KAZN: variants seen among roughly 807,000 people sequenced by gnomAD.
The protein encoded by KAZN is kazrin, periplakin interacting protein, also known as kazrin.
KAZN carries 40 observed loss-of-function variants against 87.4 expected under a neutral mutation model. The ratio of observed to expected loss-of-function variants is 0.46; its 90% CI spans 0.36 to 0.60. The LOEUF is 0.60. Ranked by LOEUF, KAZN falls within the 20% of genes least tolerant of loss-of-function variation. KAZN has a pLI of 0.00. For synonymous variants in KAZN, 466 were observed against 458.3 expected (o/e 1.02, Z -0.22); for missense variants, 898 against 1,073.9 (o/e 0.84, Z 2.29).
At chr1:14,436,907 C>T (rs1666431260) in intron 2 of KAZN, among the ~76,000 whole-genome samples, 1 of 152,124 alleles carries the variant, frequency 6.6e-6, no homozygotes, top group Non-Finnish European at 1.5e-5. Context: ...TCTCAAGATA[C>T]TTTGCATGCA....
intron 2 of KAZN, among the ~76,000 whole-genome samples, chr1:14,495,247 GACAATTTT>G (rs1571791343): frequency 6.6e-6 from 1 of 152,156 alleles, no homozygotes; most frequent in East Asian, 1.9e-4. Context: ...TCAATCAATA[GACAATTTT>G]ACCCAGGCCT....
intron 2 of KAZN, among the ~76,000 whole-genome samples, chr1:14,411,160 C>A (rs1305065647): frequency 6.6e-6 from 1 of 152,178 alleles, no homozygotes; most frequent in Non-Finnish European, 1.5e-5. Context: ...GTACAGAGGG[C>A]AATGACCAGA....
chr1:14,555,130 C>G (rs1673783102), intron 2 of KAZN, among the ~76,000 whole-genome samples: 1 of 152,184 alleles, frequency 6.6e-6, no homozygotes, highest in African/African-American at 2.4e-5. Flanking sequence ...TGTCTTTACC[C>G]CAAGGATGGA....
Position 15,112,587 on chromosome 1 carries a change from A to AAGGTCTTTTTTTTTCTTCTCCCAGCGGC in KAZN, c.2163+58_2163+59insTTCTTCTCCCAGCGGCAGGTCTTTTTTT. On this transcript the variant is annotated intron_variant, in intron 14 of 14. Transcript: ENST00000376030. ...ACCTGTGAGTCCTGCAGACCCGGGA[A>AAGGTCTTTTTTTTTCTTCTCCCAGCGGC]AGGTCTTTTTTTCTCCTCCCGGGAG... is the stretch of plus-strand genomic sequence containing the variant. The AAGGTCTTTTTTTTTCTTCTCCCAGCGGC allele has an allele frequency of 1.5e-5, 19 of 1,293,542 alleles. No individual in the cohort carries two copies. The Middle Eastern group carries it at 7.5e-4, about 51-fold the overall frequency. The allele number at this position is 1,293,542 out of a possible 1,614,324, so 80.1% of individuals were successfully genotyped here. A position where few individuals can be genotyped will look rare whatever the true frequency, so the allele number is the denominator to read the frequency against.
chr1:14,043,307 A>G (rs1336650308), intron 1 of KAZN, among the ~76,000 whole-genome samples: 1 of 152,198 alleles, frequency 6.6e-6, no homozygotes, highest in Non-Finnish European at 1.5e-5. Flanking sequence ...ATGCTTGTAT[A>G]TATAGACCAA....
intron 1 of KAZN, among the ~76,000 whole-genome samples, chr1:14,811,053 C>A (rs1310303764): frequency 6.6e-6 from 1 of 152,170 alleles, no homozygotes; most frequent in Admixed American, 6.6e-5. Flanking sequence ...AAAGGGAAAC[C>A]ACAATCCAAA....
intron 1 of KAZN, among the ~76,000 whole-genome samples, chr1:13,922,271 A>G (rs1640098192): frequency 6.6e-6 from 1 of 152,122 alleles, no homozygotes; most frequent in South Asian, 2.1e-4. Context: ...AAAGTTCTGT[A>G]TCCTGTGAAG....
intron 1 of KAZN, among the ~76,000 whole-genome samples, chr1:13,969,367 T>C (rs1642057721): frequency 6.6e-6 from 1 of 152,060 alleles, no homozygotes; most frequent in African/African-American, 2.4e-5. Context: ...TGGGGGAGAT[T>C]TGGACACAGA....
At chr1:14,007,335 T>A (rs1045414665) in intron 1 of KAZN, among the ~76,000 whole-genome samples, 2 of 152,316 alleles carry the variant, frequency 1.3e-5, no homozygotes, top group East Asian at 1.9e-4. Context: ...TTATTTCTTT[T>A]TCTTGTCTGA....
intron 1 of KAZN, among the ~76,000 whole-genome samples, chr1:14,787,852 G>A (rs1374248049): frequency 6.6e-6 from 1 of 152,150 alleles, no homozygotes; most frequent in Non-Finnish European, 1.5e-5. Flanking sequence ...GGGGGTGGAG[G>A]CCGTGGGGAG....
At chr1:15,036,425 C>G (rs1672343783) in intron 3 of KAZN, among the ~76,000 whole-genome samples, 1 of 150,076 alleles carries the variant, frequency 6.7e-6, no homozygotes, top group Non-Finnish European at 1.5e-5. Context: ...CTTCCCCTGC[C>G]TGTTTGGCCT....
rs1306129013 is a variant in KAZN, at chr1:13,981,087, CTTTA to C, written c.91+87333_91+87336del. On this transcript the variant is annotated intron_variant, in intron 1 of 16. Transcript: ENST00000636203. ...TCTTGGAGAGGTATAAAAAATTACT[CTTTA>C]TATATATATATATATATATGTATAT... 3.6e-4 allele frequency among the ~76,000 whole-genome samples: 3 copies of C among 8,304 alleles called. 1 individual carries two copies. The highest frequency in any genetic ancestry group is 9.8e-4 in the African/African-American group (2 of 2,048). 5.4% of individuals were successfully genotyped at this position (8,304 alleles called of 152,430 possible).
intron 2 of KAZN, among the ~76,000 whole-genome samples, chr1:14,249,747 A>G (rs937953189): frequency 2.0e-5 from 3 of 152,174 alleles, no homozygotes; most frequent in Admixed American, 1.3e-4. Flanking sequence ...GAGGTCCCTG[A>G]TTGGCCAGGT....
At chr1:14,916,941 C>G (rs1018900343) in intron 1 of KAZN, among the ~76,000 whole-genome samples, 2 of 151,822 alleles carry the variant, frequency 1.3e-5, no homozygotes, top group East Asian at 1.9e-4. Flanking sequence ...ACTTGGGGCT[C>G]GTGACAGTCC....
intron 2 of KAZN, among the ~76,000 whole-genome samples, chr1:14,353,219 A>G (rs1658697133): frequency 6.8e-6 from 1 of 147,316 alleles, no homozygotes; most frequent in African/African-American, 2.5e-5. Flanking sequence ...ACTACAGATG[A>G]CATCACTTTT....
At chr1:14,739,661 T>TC (rs949240994) in intron 1 of KAZN, among the ~76,000 whole-genome samples, 5 of 150,808 alleles carry the variant, frequency 3.3e-5, no homozygotes, top group African/African-American at 1.2e-4. Context: ...ACCACCAACT[T>TC]CCCCTTTTTT....
At chr1:14,360,377 G>A (rs1329073388) in intron 2 of KAZN, among the ~76,000 whole-genome samples, 1 of 151,980 alleles carries the variant, frequency 6.6e-6, no homozygotes, top group Admixed American at 6.6e-5. Flanking sequence ...CCTTGCATTG[G>A]GTTAGAACAT....
intron 2 of KAZN, among the ~76,000 whole-genome samples, chr1:14,463,765 A>G (rs1667972086): frequency 6.6e-6 from 1 of 152,280 alleles, no homozygotes; most frequent in Non-Finnish European, 1.5e-5. Flanking sequence ...TTCCCTTACC[A>G]TAAAAAATGT....
rs1454594947 is a variant in KAZN, at chr1:14,923,629, C to T, written c.227-37055C>T. ...ACAGGGCCTCCCACCAGATCTCAGC[C>T]CCCTCGCGATCTCCCCCACCAGACG... On this transcript the variant is annotated intron_variant, in intron 1 of 14. Transcript: ENST00000376030. This position sits in a 1 kb window ranked among gnomAD's most constrained non-coding sequence, Gnocchi z 4.2. 2.0e-5 allele frequency among the ~76,000 whole-genome samples: 3 copies of T among 152,212 alleles called. No homozygotes were observed. Among genetic ancestry groups the T allele is most frequent in the Non-Finnish European group, 4.4e-5 (3 of 68,040 alleles).
Sources: allele counts gnomAD v4.1 joint callset (sites outside exome capture counted in the v4.1 genomes callset), GRCh38; gene constraint gnomAD v4.1.1; non-coding constraint Gnocchi (gnomAD v3.1); transcripts MANE v1.5; gene names NCBI Gene and HGNC (gene_info 2026-07-23, HGNC 2026-07-21).